Variants in LOC128462377 observed in about 807,000 individuals in gnomAD.
the LOC128462377 span, among the ~76,000 whole-genome samples, chr16:89,322,233 G>C: frequency 6.6e-6 from 1 of 152,222 alleles, no homozygotes; most frequent in Non-Finnish European, 1.5e-5. Flanking sequence ...ACCTGGGTGA[G>C]TCTCTCTCCC....
At chr16:89,322,637 T>C in the LOC128462377 span, among the ~76,000 whole-genome samples, 14 of 145,920 alleles carry the variant, frequency 9.6e-5, no homozygotes, top group Non-Finnish European at 2.0e-4. Context: ...ACTGACAGGA[T>C]CAAACACCAA....
At chr16:89,325,309 A>T in the LOC128462377 span, among the ~76,000 whole-genome samples, 1 of 152,150 alleles carries the variant, frequency 6.6e-6, no homozygotes, top group Non-Finnish European at 1.5e-5. Context: ...ACTGTGGTGC[A>T]TGCTGGCGGT....
At chr16:89,392,804 C>G in the LOC128462377 span, 2 of 149,968 alleles carry the variant, frequency 1.3e-5, no homozygotes, top group Non-Finnish European at 3.0e-5. Context: ...CTGCTTTTCT[C>G]TAAACACTAG....
chr16:89,377,596 C>T, the LOC128462377 span, among the ~76,000 whole-genome samples: 1 of 152,154 alleles, frequency 6.6e-6, no homozygotes, highest in Non-Finnish European at 1.5e-5. Flanking sequence ...TTCTGACCCA[C>T]ACCAGGTGAC....
chr16:89,409,829 A>AATTTATTTATTT, the LOC128462377 span, among the ~76,000 whole-genome samples: 21 of 151,500 alleles, frequency 1.4e-4, no homozygotes, highest in African/African-American at 4.9e-4. Flanking sequence ...TTTCAATCTA[A>AATTTATTTATTT]ATTTATTTAT....
At chr16:89,374,271 C>G in the LOC128462377 span, among the ~76,000 whole-genome samples, 4 of 152,054 alleles carry the variant, frequency 2.6e-5, no homozygotes, top group African/African-American at 9.6e-5. Context: ...CCTAGTAATT[C>G]TCTTCACTTA....
At chr16:89,404,418 T>C in the LOC128462377 span, among the ~76,000 whole-genome samples, 27 of 152,372 alleles carry the variant, frequency 1.8e-4, no homozygotes, top group Non-Finnish European at 3.1e-4. Flanking sequence ...AACCCTATTA[T>C]GTCTCCTGCT....
chr16:89,342,132 T>C, the LOC128462377 span, among the ~76,000 whole-genome samples: 5 of 152,154 alleles, frequency 3.3e-5, no homozygotes, highest in African/African-American at 1.2e-4. Context: ...ACTTGGTCCC[T>C]TCTCTCAGGG....
the LOC128462377 span, among the ~76,000 whole-genome samples, chr16:89,405,668 C>A: frequency 6.6e-6 from 1 of 152,078 alleles, no homozygotes; most frequent in Non-Finnish European, 1.5e-5. Flanking sequence ...TTCCTGACTG[C>A]TGCAGATAAG....
chr16:89,383,703 C>T, the LOC128462377 span, among the ~76,000 whole-genome samples: 3 of 152,104 alleles, frequency 2.0e-5, no homozygotes, highest in South Asian at 2.1e-4. Flanking sequence ...CCCCTGCCCT[C>T]GGACCAGCAA....
the LOC128462377 span, chr16:89,323,793 T>A: frequency 4.1e-6 from 1 of 246,850 alleles, no homozygotes; most frequent in South Asian, 4.5e-5. Flanking sequence ...CTCCTTCCCC[T>A]CCTCAGGGCC....
chr16:89,385,344 G>T, the LOC128462377 span, among the ~76,000 whole-genome samples: 5 of 151,864 alleles, frequency 3.3e-5, no homozygotes, highest in Non-Finnish European at 5.9e-5. Flanking sequence ...GGCCGGGCTG[G>T]TCTCGAACTC....
At chr16:89,402,745 G>A in the LOC128462377 span, among the ~76,000 whole-genome samples, 1 of 147,084 alleles carries the variant, frequency 6.8e-6, no homozygotes, top group Non-Finnish European at 1.5e-5. Context: ...GGTGAGATAG[G>A]GGGTATCTGC....
At chr16:89,341,769 AAAC>A in the LOC128462377 span, among the ~76,000 whole-genome samples, 3 of 152,200 alleles carry the variant, frequency 2.0e-5, no homozygotes, top group Non-Finnish European at 4.4e-5. Flanking sequence ...AAACGTGCAC[AAAC>A]AAAAAGTGGC....
the LOC128462377 span, among the ~76,000 whole-genome samples, chr16:89,409,997 G>A: frequency 1.3e-5 from 2 of 151,934 alleles, no homozygotes; most frequent in Admixed American, 6.6e-5. Context: ...CCGCCACCAC[G>A]CCCGGCTAAT....
At chr16:89,334,174 C>G in the LOC128462377 span, among the ~76,000 whole-genome samples, 439 of 74,770 alleles carry the variant, frequency 5.9e-3, 8 homozygotes, top group African/African-American at 0.026. Flanking sequence ...AAAAAAAAAA[C>G]AGAGAGAGAG....
At chr16:89,375,853 C>A in the LOC128462377 span, among the ~76,000 whole-genome samples, 2 of 151,874 alleles carry the variant, frequency 1.3e-5, no homozygotes, top group East Asian at 1.9e-4. Context: ...CTAAATGACA[C>A]CACAGACCCA....
the LOC128462377 span, among the ~76,000 whole-genome samples, chr16:89,340,639 C>CT: frequency 1.3e-5 from 2 of 152,222 alleles, no homozygotes; most frequent in Non-Finnish European, 2.9e-5. Context: ...TGCACATCAT[C>CT]TTTTTTTCTA....
chr16:89,328,590 C>T, the LOC128462377 span, among the ~76,000 whole-genome samples: 1,523 of 148,676 alleles, frequency 0.01, 23 homozygotes, highest in African/African-American at 0.036. Flanking sequence ...CCCAGGCGTA[C>T]GGGTGAATCT....
Sources: gnomAD v4.1 joint callset for allele counts (sites outside exome capture counted in the v4.1 genomes callset) on GRCh38, gnomAD v4.1.1 for gene constraint, MANE v1.5 for transcripts.